OSGIN1: variants seen among roughly 807,000 people sequenced by gnomAD.
OSGIN1 encodes oxidative stress induced growth inhibitor 1, also known as oxidative stress-induced growth inhibitor 1.
A neutral mutation model predicts 20.1 loss-of-function variants in OSGIN1; 19 were observed. The observed-to-expected ratio is 0.95, with a 90% CI of 0.66 to 1.39. The LOEUF is 1.39. OSGIN1 is among the 40% of genes most tolerant of loss of function. OSGIN1 has a pLI of 0.00. For synonymous variants in OSGIN1, 368 were observed against 297.8 expected (o/e 1.24, Z -2.43); for missense variants, 820 against 653.0 (o/e 1.26, Z -2.79).
chr16:83,965,631 G>C lies in OSGIN1; in HGVS notation c.1058G>C (p.Ser353Thr). The change falls in exon 6 of 6, where the codon AGC (serine) becomes ACC (threonine). Residue 353 changes from serine (S) to threonine (T), a missense_variant. Transcript: ENST00000393306. ...CGGGAGCAGTCCATCCTGTCGCCCAGCCCCTATGAGGGTTACCGCAGCCTC... is the reference window on the plus strand; with the variant it reads ...CGGGAGCAGTCCATCCTGTCGCCCACCCCCTATGAGGGTTACCGCAGCCTC... Reference protein sequence around the residue: ...MMREQSILSPSPYEGYRSLPR... With the variant: ...MMREQSILSPTPYEGYRSLPR... 6.2e-7 allele frequency: 1 copy of C among 1,613,286 alleles called. No homozygotes were observed. The highest frequency in any genetic ancestry group is 8.5e-7 in the Non-Finnish European group (1 of 1,180,014).
At position 83,961,159 on chromosome 16, in the gene OSGIN1, A is replaced by G. The variant is rs991928529; in HGVS notation, c.488+87A>G. On this transcript the variant is annotated intron_variant, in intron 5 of 5. Coordinates refer to ENST00000393306, the MANE Select transcript of OSGIN1 (RefSeq NM_182981.3). ...CTGAGACAGGTCTCAGTTAATTTAG[A>G]AAGTTTATTTTTCCAAGGTTGAGGA... is the stretch of plus-strand genomic sequence containing the variant. 7 of 1,110,862 alleles carry G rather than the reference A, an allele frequency of 6.3e-6. No individual in the cohort carries two copies. In the East Asian group the frequency reaches 1.6e-4, roughly 26 times the overall value. 68.8% of individuals were successfully genotyped at this position (1,110,862 alleles called of 1,614,324 possible). A position where few individuals can be genotyped will look rare whatever the true frequency, so the allele number is the denominator to read the frequency against.
At chr16:83,953,700 C>T (rs1908797243) in intron 1 of OSGIN1, among the ~76,000 whole-genome samples, 1 of 152,238 alleles carries the variant, frequency 6.6e-6, no homozygotes, top group Non-Finnish European at 1.5e-5. Context: ...GGCTTACTGC[C>T]CAGCTGTTCC....
chr16:83,957,129 C>T (rs922218779), intron 1 of OSGIN1: 1 of 156,540 alleles, frequency 6.4e-6, no homozygotes, highest in East Asian at 1.9e-4. Context: ...GAGGTAGGGA[C>T]TCATTGCTTC....
rs1203036727 is a variant in OSGIN1, at chr16:83,960,608, C to T, written c.244C>T (p.Gln82Ter). The change falls in exon 4 of 6, where the codon CAA (glutamine) becomes TAA (stop). Residue 82 changes from glutamine (Q) to a stop codon, truncating the protein, a stop_gained. Transcript: ENST00000393306. LOFTEE classifies it high-confidence loss of function. The part of the protein sequence containing the change: ...YLSEGLEGRS[Q>*]SPVALLFDAL... ...GTCCGAAGGCCTCGAAGGCCGATCC[C>T]AAAGCCCCGTGGCCCTGCTCTTTGA... 4 of 1,613,368 alleles carry T rather than the reference C, an allele frequency of 2.5e-6. No individual in the cohort carries two copies. The highest frequency in any genetic ancestry group is 3.4e-6 in the Non-Finnish European group (4 of 1,180,034).
rs1188513505 is a variant in OSGIN1 at position 83,959,409 on chromosome 16, G to A, written c.204+13G>A. On this transcript the variant is annotated intron_variant, in intron 3 of 5. Coordinates refer to ENST00000393306, the MANE Select transcript of OSGIN1 (RefSeq NM_182981.3). The stretch of plus-strand genomic sequence containing the variant: ...CATCCTGGACCAGGTGGGTCAGCCT[G>A]GGGCCAGAGCTCTGGGTAGTACATA... 2.5e-6 allele frequency: 4 copies of A among 1,613,212 alleles called. No individual in the cohort carries two copies. The highest frequency in any genetic ancestry group is 3.4e-6 in the Non-Finnish European group (4 of 1,179,664).
rs192546548 is a variant in OSGIN1, at chr16:83,965,732, T to C, written c.1159T>C (p.Phe387Leu). The C allele has an allele frequency of 8.1e-6, 13 of 1,613,554 alleles. No homozygotes were observed. The East Asian group carries it at 2.2e-4, about 28-fold the overall frequency. The change falls in exon 6 of 6, where the codon TTT (phenylalanine) becomes CTT (leucine). Residue 387 changes from phenylalanine (F) to leucine (L), a missense_variant. Phe to Leu is a conservative substitution (Grantham distance 22). Transcript: ENST00000393306. Reference protein sequence around the residue: ...FQDLEGVEKVFGVSLVLVLIG... With the variant: ...FQDLEGVEKVLGVSLVLVLIG... ...GGACCTCGAGGGTGTCGAGAAGGTG[T>C]TTGGGGTCTCCCTGGTGCTGGTCCT...
At chr16:83,956,849 G>A (rs1908953136) in intron 1 of OSGIN1, 1 of 152,364 alleles carries the variant, frequency 6.6e-6, no homozygotes, top group Admixed American at 6.5e-5. Context: ...GGGGAAGAAG[G>A]TAGGTCTGAT....
In OSGIN1 at chr16:83,954,290, A is replaced by C. The variant is rs185899009; in HGVS notation, c.-33+920A>C. ...GAGTCTCAGAGCAGTTTGCAGCTTT[A>C]ACAACCTCAGAAGTACAAATGCCGC... On this transcript the variant is annotated intron_variant, in intron 1 of 5. Coordinates refer to ENST00000393306, the MANE Select transcript of OSGIN1 (RefSeq NM_182981.3). 88 of 152,376 alleles carry C rather than the reference A, an allele frequency of 5.8e-4. 3 individuals are homozygous for C. Among genetic ancestry groups the C allele is most frequent in the Middle Eastern group, 6.8e-3 (2 of 294 alleles). 9.4% of individuals were successfully genotyped at this position (152,376 alleles called of 1,614,324 possible).
At chr16:83,956,384 A>T (rs1000919316) in intron 1 of OSGIN1, among the ~76,000 whole-genome samples, 1 of 152,242 alleles carries the variant, frequency 6.6e-6, no homozygotes, top group African/African-American at 2.4e-5. Context: ...ATAGAAATCC[A>T]GATTCCCACT....
In OSGIN1 at chr16:83,965,796, C is replaced by T. The variant is rs2084273211; in HGVS notation, c.1223C>T (p.Ala408Val). ...CCCGACCTCTCCTTCCTGCCTGGGGCAGGGGCTGACTTTGCAGTGGATCCT... is the reference window on the plus strand; with the variant it reads ...CCCGACCTCTCCTTCCTGCCTGGGGTAGGGGCTGACTTTGCAGTGGATCCT... ...SHPDLSFLPG[A>V]GADFAVDPDQ... is the part of the protein sequence containing the mutation. Residue 408 changes from alanine to valine, a missense_variant, in exon 6 of 6, where the codon GCA becomes GTA. Coordinates refer to ENST00000393306, the MANE Select transcript of OSGIN1 (RefSeq NM_182981.3). 1 of 1,613,046 alleles carries T rather than the reference C, an allele frequency of 6.2e-7. No individual in the cohort carries two copies. The highest frequency in any genetic ancestry group is 8.5e-7 in the Non-Finnish European group (1 of 1,179,930).
In OSGIN1 at chr16:83,960,720, A is replaced by G. The variant is rs202114085; in HGVS notation, c.356A>G (p.His119Arg). Reference protein sequence around the residue: ...WKHRKEHAIPHVVLGRNLPGG... With the variant: ...WKHRKEHAIPRVVLGRNLPGG... ...CACCGGAAGGAGCACGCCATCCCCCACGTGGTTCTGGGCCGGAACCTCCCC... is the reference window on the plus strand; with the variant it reads ...CACCGGAAGGAGCACGCCATCCCCCGCGTGGTTCTGGGCCGGAACCTCCCC... Residue 119 changes from histidine (H) to arginine (R), a missense_variant, in exon 4 of 6, where the codon CAC becomes CGC. Coordinates refer to ENST00000393306, the MANE Select transcript of OSGIN1 (RefSeq NM_182981.3). The G allele has an allele frequency of 6.2e-6, 10 of 1,613,360 alleles. No homozygotes were observed. The African/African-American group carries it at 1.3e-4, about 22-fold the overall frequency.
intron 2 of OSGIN1, 84 bp from the exon 3 acceptor site, chr16:83,959,176 C>A: frequency 2.3e-6 from 2 of 877,910 alleles, no homozygotes; most frequent in Non-Finnish European, 1.8e-6. Flanking sequence ...TGAATGAATG[C>A]GCCGCATCTA....
intron 5 of OSGIN1, among the ~76,000 whole-genome samples, chr16:83,962,278 G>C (rs1316860949): frequency 6.6e-6 from 1 of 152,058 alleles, no homozygotes. Flanking sequence ...TCCCTCTGTC[G>C]CCCAGGCTGG....
chr16:83,963,149 C>G (rs1012818279), intron 5 of OSGIN1, among the ~76,000 whole-genome samples: 2 of 152,206 alleles, frequency 1.3e-5, no homozygotes, highest in Non-Finnish European at 2.9e-5. Flanking sequence ...GCCTCACTAT[C>G]TCTTTGATGC....
chr16:83,953,293 CTG>C lies in OSGIN1; in HGVS notation c.-107_-106del. 3 of 1,288,734 alleles carry C rather than the reference CTG, an allele frequency of 2.3e-6. No homozygotes were observed. Among genetic ancestry groups the C allele is most frequent in the Middle Eastern group, 2.1e-4 (1 of 4,684 alleles). 79.8% of individuals were successfully genotyped at this position (1,288,734 alleles called of 1,614,324 possible). ...GGGTGTCCCGATCTCGCGGGGGACTCTGTGATCCGTGTTCCCCTGACCCTCCT... is the reference window on the plus strand; with the variant it reads ...GGGTGTCCCGATCTCGCGGGGGACTCTGATCCGTGTTCCCCTGACCCTCCT... On this transcript the variant is annotated 5_prime_UTR_variant, in exon 1 of 6. An upstream open reading frame in the 5' UTR loses its in-frame stop. Transcript: ENST00000393306.
chr16:83,959,618 C>A (rs965466436), intron 3 of OSGIN1, among the ~76,000 whole-genome samples: 1 of 152,168 alleles, frequency 6.6e-6, no homozygotes, highest in South Asian at 2.1e-4. Context: ...CGGTTGTTCT[C>A]AAGGAGGGGA....
rs1429267052 is a variant in OSGIN1 at position 83,965,755 on chromosome 16, C to A, written c.1182C>A (p.Val394=). The A allele has an allele frequency of 8.1e-6, 13 of 1,613,328 alleles. No homozygotes were observed. Among genetic ancestry groups the A allele is most frequent in the Non-Finnish European group, 1.1e-5 (13 of 1,179,948 alleles). The change falls in exon 6 of 6, where the codon GTC becomes GTA. Residue 394 remains valine (V), a synonymous_variant. Coordinates refer to ENST00000393306, the MANE Select transcript of OSGIN1 (RefSeq NM_182981.3). ...TGTTTGGGGTCTCCCTGGTGCTGGT[C>A]CTCATCGGCTCCCACCCCGACCTCT... ...EKVFGVSLVL[V]LIGSHPDLSF...
At chr16:83,963,276 C>T (rs927630529) in intron 5 of OSGIN1, among the ~76,000 whole-genome samples, 6 of 152,214 alleles carry the variant, frequency 3.9e-5, no homozygotes, top group African/African-American at 1.2e-4. Flanking sequence ...GCTCATTTTG[C>T]ATTTTCACAT....
Position 83,956,999 on chromosome 16 carries a change from T to G in OSGIN1, c.-32-641T>G, listed in dbSNP as rs1299636917. The G allele has an allele frequency of 2.0e-5, 3 of 152,426 alleles. No individual in the cohort carries two copies. In the East Asian group the frequency reaches 5.8e-4, roughly 29 times the overall value. 9.4% of individuals were successfully genotyped at this position (152,426 alleles called of 1,614,324 possible). On this transcript the variant is annotated intron_variant, in intron 1 of 5. Coordinates refer to ENST00000393306, the MANE Select transcript of OSGIN1 (RefSeq NM_182981.3). ...CCCCAAACCTGGCCACTGCTTCCAT[T>G]TCCCCAAGTCCATCCCAGCTCCTGG...
Sources: gnomAD v4.1 joint callset for allele counts (sites outside exome capture counted in the v4.1 genomes callset) on GRCh38, gnomAD v4.1.1 for gene constraint, MANE v1.5 for transcripts, NCBI Gene and HGNC (gene_info 2026-07-23, HGNC 2026-07-21) for gene names.